Variants in CMSS1 observed in about 807,000 individuals in gnomAD.
The protein encoded by CMSS1 is protein CMSS1.
CMSS1 carries 33 observed loss-of-function variants against 43.5 expected under a neutral mutation model. That is an observed-to-expected ratio of 0.76 (90% CI 0.57 to 1.01). The LOEUF (loss-of-function observed/expected upper bound fraction) is 1.01, where lower values mean the gene tolerates loss of function less well. Ranked by LOEUF, CMSS1 falls within the 50% of genes least tolerant of loss-of-function variation. The pLI is 0.00. For synonymous variants in CMSS1, 115 were observed against 117.2 expected (o/e 0.98, Z 0.12); for missense variants, 313 against 326.4 (o/e 0.96, Z 0.32).
chr3:99,990,280 A>G (rs189659073), intron 1 of CMSS1, among the ~76,000 whole-genome samples: 18 of 152,264 alleles, frequency 1.2e-4, no homozygotes, highest in South Asian at 8.3e-4. Flanking sequence ...TTCTGTTTCT[A>G]TATCAGGGCT....
intron 1 of CMSS1, among the ~76,000 whole-genome samples, chr3:99,841,952 AT>A (rs1185043757): frequency 6.6e-6 from 1 of 152,228 alleles, no homozygotes; most frequent in Non-Finnish European, 1.5e-5. Flanking sequence ...AAGTAGATCT[AT>A]CATTTGATCC....
At position 99,985,868 on chromosome 3, in the gene CMSS1, C is replaced by T. The variant is rs145485919; in HGVS notation, c.65-161105C>T. ...CCTCCCAAAGTACTGGGATTACAGG[C>T]GTGAGCCACCGCACCGGGCCTGAGA... On this transcript the variant is annotated intron_variant, in intron 1 of 9. Coordinates refer to ENST00000421999, the MANE Select transcript of CMSS1 (RefSeq NM_032359.4). Among the ~76,000 whole-genome samples, 687 of 152,238 alleles carry T rather than the reference C, an allele frequency of 4.5e-3. 7 individuals are homozygous for T. Among genetic ancestry groups the T allele is most frequent in the African/African-American group, 0.016 (673 of 41,534 alleles).
intron 6 of CMSS1, among the ~76,000 whole-genome samples, chr3:100,168,589 A>T (rs1185788802): frequency 6.6e-6 from 1 of 152,138 alleles, no homozygotes; most frequent in East Asian, 1.9e-4. Context: ...TGTACAGACA[A>T]CATCATCTAA....
chr3:99,985,392 C>A (rs955241930), intron 1 of CMSS1, among the ~76,000 whole-genome samples: 2 of 151,986 alleles, frequency 1.3e-5, no homozygotes, highest in Admixed American at 1.3e-4. Flanking sequence ...ATTAGCTGGG[C>A]ATGGTGGTGC....
At chr3:99,828,609 C>T (rs546303956) in intron 1 of CMSS1, among the ~76,000 whole-genome samples, 1 of 150,870 alleles carries the variant, frequency 6.6e-6, no homozygotes, top group African/African-American at 2.4e-5. Flanking sequence ...CACCACCACA[C>T]CTGGCTTTTT....
At chr3:100,169,951 C>T (rs1188389455) in intron 6 of CMSS1, among the ~76,000 whole-genome samples, 2 of 152,224 alleles carry the variant, frequency 1.3e-5, no homozygotes, top group Non-Finnish European at 2.9e-5. Context: ...ACTTCATTTA[C>T]CAATTTGCAG....
intron 1 of CMSS1, among the ~76,000 whole-genome samples, chr3:100,037,285 A>G (rs1318856085): frequency 6.6e-6 from 1 of 152,228 alleles, no homozygotes; most frequent in African/African-American, 2.4e-5. Flanking sequence ...ATGGTTTAGA[A>G]AAACAAATGT....
chr3:99,909,309 A>G (rs561920699), intron 1 of CMSS1, among the ~76,000 whole-genome samples: 1 of 152,298 alleles, frequency 6.6e-6, no homozygotes, highest in South Asian at 2.1e-4. Flanking sequence ...CCTGCAAAAT[A>G]AATTGAATTT....
intron 1 of CMSS1, among the ~76,000 whole-genome samples, chr3:99,912,146 G>A (rs924234885): frequency 6.6e-6 from 1 of 151,846 alleles, no homozygotes; most frequent in Non-Finnish European, 1.5e-5. Context: ...TGACCTTTTT[G>A]GTTTTATTCA....
chr3:99,941,426 A>G (rs1707847493), intron 1 of CMSS1, among the ~76,000 whole-genome samples: 1 of 152,266 alleles, frequency 6.6e-6, no homozygotes, highest in Non-Finnish European at 1.5e-5. Flanking sequence ...CTCAGAGATA[A>G]GCTTTATCTT....
Position 100,075,985 on chromosome 3 carries a change from G to A in CMSS1, c.65-70988G>A, listed in dbSNP as rs1453145426. 5.9e-5 allele frequency among the ~76,000 whole-genome samples: 9 copies of A among 152,224 alleles called. No individual in the cohort carries two copies. The East Asian group carries it at 1.2e-3, about 20-fold the overall frequency. On this transcript the variant is annotated intron_variant, in intron 1 of 9. Transcript: ENST00000421999. ...ATAGGCCCTCAGACCTCACTTTGAAGACACAAAACTATGTAATTTCTAAGA... is the reference window on the plus strand; with the variant it reads ...ATAGGCCCTCAGACCTCACTTTGAAAACACAAAACTATGTAATTTCTAAGA...
At chr3:99,843,322 G>C (rs1943215469) in intron 1 of CMSS1, among the ~76,000 whole-genome samples, 2 of 152,194 alleles carry the variant, frequency 1.3e-5, no homozygotes, top group Admixed American at 1.3e-4. Flanking sequence ...CTTTGCTACA[G>C]TTATAAAACC....
chr3:100,145,693 T>G (rs1362527053), intron 1 of CMSS1, among the ~76,000 whole-genome samples: 2 of 152,186 alleles, frequency 1.3e-5, no homozygotes, highest in Non-Finnish European at 2.9e-5. Flanking sequence ...CTAAACATGA[T>G]AGGCTTGCGA....
rs77905849 is a variant in CMSS1, at chr3:99,998,356, T to C, written c.65-148617T>C. On this transcript the variant is annotated intron_variant, in intron 1 of 9. Coordinates refer to ENST00000421999, the MANE Select transcript of CMSS1 (RefSeq NM_032359.4). ...CTTTAAGTAGAGTGAGTTTAAATGTTTGGTGTAGCAACCCATCTTGCATGT... is the reference window on the plus strand; with the variant it reads ...CTTTAAGTAGAGTGAGTTTAAATGTCTGGTGTAGCAACCCATCTTGCATGT... Among the ~76,000 whole-genome samples the C allele has an allele frequency of 4.3e-3, 651 of 152,336 alleles. 4 individuals are homozygous for C. Among genetic ancestry groups the C allele is most frequent in the Non-Finnish European group, 6.5e-3 (440 of 68,018 alleles).
chr3:99,985,735 C>G (rs1709320444), intron 1 of CMSS1, among the ~76,000 whole-genome samples: 1 of 152,016 alleles, frequency 6.6e-6, no homozygotes, highest in South Asian at 2.1e-4. Context: ...ATTACAGGCA[C>G]CTGCTACCAT....
intron 1 of CMSS1, chr3:100,109,977 T>TG (rs1384517946): frequency 7.9e-6 from 1 of 127,312 alleles, no homozygotes; most frequent in Admixed American, 1.0e-4. Context: ...CCCTTCAAAC[T>TG]GTTGGCAACC....
chr3:99,938,969 C>T (rs1166356561), intron 1 of CMSS1, among the ~76,000 whole-genome samples: 10 of 152,114 alleles, frequency 6.6e-5, no homozygotes, highest in East Asian at 3.8e-4. Flanking sequence ...AATTGGCCTC[C>T]GTTATCTTTT....
At position 100,143,693 on chromosome 3, in the gene CMSS1, A is replaced by G. The variant is rs2066823058; in HGVS notation, c.65-3280A>G. Among the ~76,000 whole-genome samples the G allele has an allele frequency of 2.6e-5, 4 of 152,140 alleles. No individual in the cohort carries two copies. In the South Asian group the frequency reaches 8.3e-4, roughly 32 times the overall value. ...TTTATCTATTTCTCATTTTATTTCTACTAGTTTTTACTTTGCATGCTTTGT... is the reference window on the plus strand; with the variant it reads ...TTTATCTATTTCTCATTTTATTTCTGCTAGTTTTTACTTTGCATGCTTTGT... On this transcript the variant is annotated intron_variant, in intron 1 of 9. Transcript: ENST00000421999.
intron 1 of CMSS1, among the ~76,000 whole-genome samples, chr3:99,828,036 T>C (rs766273779): frequency 6.6e-6 from 1 of 152,274 alleles, no homozygotes; most frequent in Admixed American, 6.5e-5. Context: ...TTTTGAAAGC[T>C]TCAACATACA....
Sources: gnomAD v4.1 joint callset for allele counts (sites outside exome capture counted in the v4.1 genomes callset) on GRCh38, gnomAD v4.1.1 for gene constraint, MANE v1.5 for transcripts, NCBI Gene and HGNC (gene_info 2026-07-23, HGNC 2026-07-21) for gene names.